The following SGPP2 variants were observed in gnomAD, a reference collection of about 807,000 sequenced individuals.
SGPP2 encodes the protein sphingosine 1-phosphate phosphohydrolase 2.
In SGPP2, 30 loss-of-function variants were observed where a neutral mutation model predicts 33.9. That is an observed-to-expected ratio of 0.89 (90% confidence interval 0.66 to 1.20). The LOEUF is 1.20. Ranked by LOEUF, SGPP2 falls within the 50% of genes most tolerant of loss-of-function variation. SGPP2 has a pLI of 0.00. For missense variants in SGPP2, 458 were observed against 532.1 expected (o/e 0.86, Z 1.37); for synonymous variants, 233 against 225.0 (o/e 1.04, Z -0.32).
intron 1 of SGPP2, among the ~76,000 whole-genome samples, chr2:222,427,940 C>T (rs1697096921): frequency 6.6e-6 from 1 of 152,146 alleles, no homozygotes; most frequent in African/African-American, 2.4e-5. Context: ...TTGGACTGGG[C>T]CTTAGAAATT....
At chr2:222,554,766 C>T (rs1285664867) in intron 4 of SGPP2, among the ~76,000 whole-genome samples, 1 of 152,204 alleles carries the variant, frequency 6.6e-6, no homozygotes, top group African/African-American at 2.4e-5. Context: ...GGTCCAGAGC[C>T]TGCTTTGCAG....
chr2:222,541,316 C>T (rs1437007882), intron 4 of SGPP2, among the ~76,000 whole-genome samples: 2 of 152,176 alleles, frequency 1.3e-5, no homozygotes, highest in African/African-American at 4.8e-5. Context: ...GTTCTTAGGA[C>T]AGAGGGAAGA....
intron 1 of SGPP2, among the ~76,000 whole-genome samples, chr2:222,451,909 G>A (rs934872597): frequency 6.6e-6 from 1 of 152,014 alleles, no homozygotes; most frequent in African/African-American, 2.4e-5. Flanking sequence ...TGTATGTCAG[G>A]CACTGTCTAA....
chr2:222,499,186 G>C (rs1272390846), intron 2 of SGPP2, among the ~76,000 whole-genome samples: 1 of 152,236 alleles, frequency 6.6e-6, no homozygotes, highest in African/African-American at 2.4e-5. Flanking sequence ...ACAGAGTAGG[G>C]ATGTGCCTGT....
Position 222,424,601 on chromosome 2 carries a change from C to T in SGPP2, c.-2C>T. On this transcript the variant is annotated 5_prime_UTR_variant, in exon 1 of 5. Transcript: ENST00000321276. ...GCGGCGGAGCGCGGCCCCGGGCACA[C>T]CATGGCCGAGCTGCTGCGGAGCCTG... The T allele has an allele frequency of 1.5e-6, 2 of 1,333,614 alleles. No homozygotes were observed. The highest frequency in any genetic ancestry group is 1.9e-6 in the Non-Finnish European group (2 of 1,036,620). The allele number at this position is 1,333,614 out of a possible 1,614,324, so 82.6% of individuals were successfully genotyped here.
At chr2:222,481,780 T>C (rs1292578044) in intron 2 of SGPP2, among the ~76,000 whole-genome samples, 1 of 152,196 alleles carries the variant, frequency 6.6e-6, no homozygotes, top group African/African-American at 2.4e-5. Context: ...TGGTACATGC[T>C]GCCTGAACTC....
At chr2:222,526,315 G>A (rs548925737) in intron 4 of SGPP2, among the ~76,000 whole-genome samples, 14 of 152,310 alleles carry the variant, frequency 9.2e-5, no homozygotes, top group African/African-American at 3.4e-4. Flanking sequence ...GTGCTGCCTG[G>A]GTGAAGGCGG....
At chr2:222,504,534 T>C (rs1698416080) in intron 2 of SGPP2, 1 of 152,260 alleles carries the variant, frequency 6.6e-6, no homozygotes, top group African/African-American at 2.4e-5. Context: ...AAGTGATTGC[T>C]AGCCTTGTCT....
chr2:222,440,191 T>A (rs930229754), intron 1 of SGPP2, among the ~76,000 whole-genome samples: 2 of 152,230 alleles, frequency 1.3e-5, no homozygotes, highest in African/African-American at 4.8e-5. Flanking sequence ...TTTCCAGAGC[T>A]TCAGGGCTTG....
intron 2 of SGPP2, among the ~76,000 whole-genome samples, chr2:222,517,269 C>T (rs1698617597): frequency 6.6e-6 from 1 of 152,162 alleles, no homozygotes; most frequent in African/African-American, 2.4e-5. Flanking sequence ...CTATCCTGTA[C>T]CCATATAAAC....
In SGPP2 at chr2:222,452,880, C is replaced by G. The variant is rs1574838226; in HGVS notation, c.220-21688C>G. On this transcript the variant is annotated intron_variant, in intron 1 of 4. Coordinates refer to ENST00000321276, the MANE Select transcript of SGPP2 (RefSeq NM_152386.4). ...AGATTTCATTCTCTGGTTCTGGAAC[C>G]AGGTCTTCACCTGTTTGTAGCTAAG... The G allele has an allele frequency of 1.9e-6, 3 of 1,607,090 alleles. No homozygotes were observed. In the East Asian group the frequency reaches 6.7e-5, roughly 36 times the overall value.
chr2:222,470,661 G>T (rs1480060096), intron 1 of SGPP2, among the ~76,000 whole-genome samples: 4 of 152,186 alleles, frequency 2.6e-5, no homozygotes, highest in Non-Finnish European at 2.9e-5. Context: ...GATGGTTGCT[G>T]AGTACTTATA....
rs760550027 is a variant in SGPP2 at position 222,521,788 on chromosome 2, G to C, written c.400G>C (p.Val134Leu). ...IWVLVMYIGQ[V>L]AKDVLKWPRP... ...GCAGTTGGTGATGTATATTGGCCAA[G>C]TGGCCAAGGATGTCTTGAAGTGGCC... Residue 134 changes from valine (V) to leucine (L), a missense_variant, in exon 3 of 5, where the codon GTG becomes CTG. Physicochemically the swap from Val to Leu is conservative, Grantham distance 32. Transcript: ENST00000321276. 1.0e-5 allele frequency: 16 copies of C among 1,607,164 alleles called. No individual in the cohort carries two copies. Among genetic ancestry groups the C allele is most frequent in the African/African-American group, 1.3e-5 (1 of 74,330 alleles).
At chr2:222,518,931 C>T (rs917224521) in intron 2 of SGPP2, among the ~76,000 whole-genome samples, 4 of 152,144 alleles carry the variant, frequency 2.6e-5, no homozygotes, top group South Asian at 2.1e-4. Context: ...CGGAATTAAC[C>T]GGCAACTCAA....
chr2:222,493,967 A>G (rs1197241966), intron 2 of SGPP2, among the ~76,000 whole-genome samples: 1 of 152,248 alleles, frequency 6.6e-6, no homozygotes, highest in Non-Finnish European at 1.5e-5. Flanking sequence ...GGGCAAGCTA[A>G]TTAATTTCCC....
At chr2:222,514,000 A>G (rs1252155047) in intron 2 of SGPP2, among the ~76,000 whole-genome samples, 1 of 152,264 alleles carries the variant, frequency 6.6e-6, no homozygotes, top group Non-Finnish European at 1.5e-5. Context: ...CACTAAATTT[A>G]AAATAATAGC....
chr2:222,452,182 C>G (rs1189805548), intron 1 of SGPP2, among the ~76,000 whole-genome samples: 1 of 152,058 alleles, frequency 6.6e-6, no homozygotes, highest in Non-Finnish European at 1.5e-5. Flanking sequence ...ATTAAAATGT[C>G]TTTTCTCCAG....
At chr2:222,520,735 A>G (rs576713036) in intron 2 of SGPP2, among the ~76,000 whole-genome samples, 3,148 of 112,992 alleles carry the variant, frequency 0.028, 131 homozygotes, top group African/African-American at 0.079. Context: ...AAAAAAAAAA[A>G]AAAAAAAAAA....
intron 1 of SGPP2, among the ~76,000 whole-genome samples, chr2:222,463,571 G>A (rs1041068153): frequency 1.3e-5 from 2 of 152,212 alleles, no homozygotes; most frequent in Admixed American, 1.3e-4. Flanking sequence ...GGAGTAGCAT[G>A]AAGATACCAT....
Sources: gnomAD v4.1 joint callset for allele counts (sites outside exome capture counted in the v4.1 genomes callset) on GRCh38, gnomAD v4.1.1 for gene constraint, MANE v1.5 for transcripts, NCBI Gene and HGNC (gene_info 2026-07-23, HGNC 2026-07-21) for gene names.